RPL19: variants seen among roughly 807,000 people sequenced by gnomAD.
RPL19 encodes the protein ribosomal protein L19, also known as large ribosomal subunit protein eL19.
In RPL19, 2 loss-of-function variants were observed where a neutral mutation model predicts 25.1. The ratio of observed to expected loss-of-function variants is 0.08; its 90% CI spans 0.03 to 0.25. RPL19 has a LOEUF of 0.25. Ranked by LOEUF, RPL19 falls within the 10% of genes least tolerant of loss-of-function variation. The pLI, the probability that RPL19 is intolerant of heterozygous loss-of-function variation, is 1.00. For synonymous variants in RPL19, 89 were observed against 91.2 expected, an observed-to-expected ratio of 0.98 and a Z score of 0.14; for missense variants, 123 against 271.8, an observed-to-expected ratio of 0.45 and a Z score of 3.85.
intron 3 of RPL19, chr17:39,202,695 C>A: frequency 3.4e-6 from 2 of 596,380 alleles, no homozygotes; most frequent in Non-Finnish European, 5.8e-6. Flanking sequence ...TCAGAATGAT[C>A]GAAGGAAGCT....
intron 2 of RPL19, 74 bp from the exon 3 acceptor site, chr17:39,202,243 C>G (rs1435717993): frequency 6.3e-7 from 1 of 1,582,168 alleles, no homozygotes; most frequent in African/African-American, 1.3e-5. Context: ...AGCAGTGTCT[C>G]TGGCCTGGCC....
intron 4 of RPL19, among the ~76,000 whole-genome samples, chr17:39,203,527 T>G (rs1301715913): frequency 6.7e-6 from 1 of 149,542 alleles, no homozygotes; most frequent in Non-Finnish European, 1.5e-5. Flanking sequence ...TTTTTTTTTT[T>G]GGAGACAGAG....
intron 4 of RPL19, among the ~76,000 whole-genome samples, chr17:39,203,751 C>T (rs979732466): frequency 6.6e-6 from 1 of 152,114 alleles, no homozygotes; most frequent in Non-Finnish European, 1.5e-5. Flanking sequence ...AAGTGATCCG[C>T]CCGCCTCAGC....
Position 39,201,278 on chromosome 17 carries a change from T to C in RPL19, c.71T>C (p.Leu24Ser). 1 of 1,613,696 alleles carries C rather than the reference T, an allele frequency of 6.2e-7. No individual in the cohort carries two copies. Among genetic ancestry groups the C allele is most frequent in the Non-Finnish European group, 8.5e-7 (1 of 1,179,790 alleles). ...CGCTGTGGCAAGAAGAAGGTCTGGT[T>C]AGACCCCAATGAGACCAATGAAATC... Reference protein sequence around the residue: ...VLRCGKKKVWLDPNETNEIAN... With the variant: ...VLRCGKKKVWSDPNETNEIAN... The change falls in exon 2 of 6, where the codon TTA becomes TCA. Residue 24 changes from leucine to serine, a missense_variant. Transcript: ENST00000225430.
chr17:39,201,400 C>CTTT, intron 2 of RPL19, 81 bp downstream of exon 2: 145 of 618,600 alleles, frequency 2.3e-4, no homozygotes, highest in East Asian at 3.1e-4. Context: ...ATTGTGTTGA[C>CTTT]TTTTTTTTTT....
At chr17:39,204,258 G>T in intron 5 of RPL19, 71 bp downstream of exon 5, 1 of 1,023,676 alleles carries the variant, frequency 9.8e-7, no homozygotes, top group Non-Finnish European at 1.5e-6. Flanking sequence ...TACTTAAAAT[G>T]TGCCAATGCC....
intron 1 of RPL19, 164 bp downstream of exon 1, chr17:39,200,513 G>A (rs2046278938): frequency 7.7e-7 from 1 of 1,295,408 alleles, no homozygotes; most frequent in Non-Finnish European, 9.8e-7. Context: ...GGCCTCCGGA[G>A]TGAGGGGGGG....
Position 39,204,720 on chromosome 17 carries a change from T to C in RPL19, c.*72T>C. 3 of 1,464,512 alleles carry C rather than the reference T, an allele frequency of 2.0e-6. No homozygotes were observed. Among genetic ancestry groups the C allele is most frequent in the South Asian group, 2.4e-5 (2 of 82,356 alleles). The allele number at this position is 1,464,512 out of a possible 1,614,324, so 90.7% of individuals were successfully genotyped here. On this transcript the variant is annotated 3_prime_UTR_variant, in exon 6 of 6. Coordinates refer to ENST00000225430, the MANE Select transcript of RPL19 (RefSeq NM_000981.4). ...TCAGCCATTAAAATAAAACAAGCCT[T>C]AATCTGCCTTCCTCTCTGCTTCTTG...
At position 39,200,316 on chromosome 17, in the gene RPL19, T is replaced by C. The variant is rs1418504233; in HGVS notation, c.-29T>C. 1.4e-5 allele frequency: 22 copies of C among 1,547,074 alleles called. No individual in the cohort carries two copies. The highest frequency in any genetic ancestry group is 1.5e-5 in the Non-Finnish European group (17 of 1,147,856). On this transcript the variant is annotated 5_prime_UTR_variant, in exon 1 of 6. Transcript: ENST00000225430. ...TGGGAGGAGCCGGGCCCGAGCGAGC[T>C]CTTTCCTTTCGCTGCTGCGGCCGCA...
intron 1 of RPL19, chr17:39,200,606 G>T: frequency 8.1e-7 from 1 of 1,241,146 alleles, no homozygotes. Flanking sequence ...CGACCCACGC[G>T]AGCAGAGCAA....
chr17:39,200,994 A>G, intron 1 of RPL19: 1 of 504,068 alleles, frequency 2.0e-6, no homozygotes, highest in Non-Finnish European at 3.5e-6. Flanking sequence ...CCAGAGGAGA[A>G]ATGCGAACAT....
At position 39,204,065 on chromosome 17, in the gene RPL19, T is replaced by G. The variant is rs2046308471; in HGVS notation, c.357-12T>G. 2.7e-6 allele frequency: 4 copies of G among 1,500,590 alleles called. No homozygotes were observed. The highest frequency in any genetic ancestry group is 2.3e-5 in the East Asian group (1 of 44,286). 93.0% of individuals were successfully genotyped at this position (1,500,590 alleles called of 1,614,324 possible). A position where few individuals can be genotyped will look rare whatever the true frequency, so the allele number is the denominator to read the frequency against. On this transcript the variant is annotated splice_polypyrimidine_tract_variant and intron_variant, in intron 4 of 5. Transcript: ENST00000225430. ...CACCAACCAGCATCTCTTCACTCCG[T>G]GTACCCTGCAGGTATCACAGCCTGT...
In RPL19 at chr17:39,202,190, C is replaced by G; in HGVS notation, c.113-127C>G. The stretch of plus-strand genomic sequence containing the variant: ...GGTTTTTGAAGGCAAGAAATAAGTT[C>G]CAGTGTTTCCATCCTTTTTGAGACC... On this transcript the variant is annotated intron_variant, in intron 2 of 5. Transcript: ENST00000225430. 2.6e-6 allele frequency: 3 copies of G among 1,156,054 alleles called. 1 individual carries two copies. In the South Asian group the frequency reaches 4.3e-5, roughly 17 times the overall value. The allele number at this position is 1,156,054 out of a possible 1,614,324, so 71.6% of individuals were successfully genotyped here. A position where few individuals can be genotyped will look rare whatever the true frequency, so the allele number is the denominator to read the frequency against.
chr17:39,204,037 C>A, intron 4 of RPL19, 40 bp from the exon 5 acceptor site: 1 of 1,151,110 alleles, frequency 8.7e-7, no homozygotes, highest in Non-Finnish European at 1.3e-6. Flanking sequence ...GCCTCTGATC[C>A]ATCACCAACC....
At chr17:39,202,097 C>T (rs1436191151) in intron 2 of RPL19, among the ~76,000 whole-genome samples, 1 of 152,156 alleles carries the variant, frequency 6.6e-6, no homozygotes. Flanking sequence ...GGGAGACTGT[C>T]TCAAAGACAA....
chr17:39,203,753 C>T (rs941408003), intron 4 of RPL19, among the ~76,000 whole-genome samples: 4 of 152,048 alleles, frequency 2.6e-5, no homozygotes, highest in African/African-American at 7.3e-5. Context: ...GTGATCCGCC[C>T]GCCTCAGCCT....
At chr17:39,201,482 T>C (rs2046289005) in intron 2 of RPL19, among the ~76,000 whole-genome samples, 163 bp downstream of exon 2, 1 of 151,620 alleles carries the variant, frequency 6.6e-6, no homozygotes, top group South Asian at 2.1e-4. Flanking sequence ...CAACCCCTGC[T>C]CCCAGGCTCA....
chr17:39,204,348 C>T (rs1031300337), intron 5 of RPL19, among the ~76,000 whole-genome samples, 161 bp downstream of exon 5: 11 of 152,216 alleles, frequency 7.2e-5, no homozygotes, highest in African/African-American at 2.7e-4. Flanking sequence ...CCTGTACACA[C>T]CCACTCTTCC....
intron 4 of RPL19, among the ~76,000 whole-genome samples, 186 bp from the exon 5 acceptor site, chr17:39,203,891 T>G (rs1352138617): frequency 6.6e-6 from 1 of 152,168 alleles, no homozygotes; most frequent in Non-Finnish European, 1.5e-5. Context: ...CCCAACAGTT[T>G]ATTTGCCAGG....
Sources: gnomAD v4.1 joint callset for allele counts (sites outside exome capture counted in the v4.1 genomes callset) on GRCh38, gnomAD v4.1.1 for gene constraint, MANE v1.5 for transcripts, NCBI Gene and HGNC (gene_info 2026-07-23, HGNC 2026-07-21) for gene names.